The following CEP112 variants were observed in gnomAD, a reference collection of about 807,000 sequenced individuals.
CEP112 encodes the protein centrosomal protein of 112 kDa.
In CEP112, 127 loss-of-function variants were observed where a neutral mutation model predicts 153.0. The ratio of observed to expected loss-of-function variants is 0.83; its 90% CI spans 0.72 to 0.96. The LOEUF is 0.96. Ranked by LOEUF, CEP112 falls within the 40% of genes least tolerant of loss-of-function variation. CEP112 has a pLI of 0.00. For synonymous variants in CEP112, 358 were observed against 374.4 expected, an observed-to-expected ratio of 0.96 and a Z score of 0.51; for missense variants, 1,089 against 1,101.2, an observed-to-expected ratio of 0.99 and a Z score of 0.16.
At chr17:65,986,035 G>C (rs2063395328) in intron 17 of CEP112, among the ~76,000 whole-genome samples, 1 of 151,960 alleles carries the variant, frequency 6.6e-6, no homozygotes, top group South Asian at 2.1e-4. Context: ...TGAAGTAATA[G>C]ATCACATTTC....
chr17:65,724,139 C>T (rs564978589), intron 23 of CEP112, among the ~76,000 whole-genome samples: 10 of 152,118 alleles, frequency 6.6e-5, no homozygotes, highest in African/African-American at 1.9e-4. Flanking sequence ...CCAACCATCC[C>T]GGCCTTCTTG....
intron 21 of CEP112, among the ~76,000 whole-genome samples, chr17:65,775,108 G>A (rs2053601647): frequency 6.6e-6 from 1 of 152,110 alleles, no homozygotes; most frequent in Non-Finnish European, 1.5e-5. Context: ...TCCCAAGCTT[G>A]AAAATCAGCA....
chr17:65,641,154 C>T (rs541263884), intron 24 of CEP112, 89 bp from the exon 25 acceptor site: 9 of 724,690 alleles, frequency 1.2e-5, no homozygotes, highest in African/African-American at 3.5e-5. Context: ...CTGTTCATCA[C>T]AATGAAAGGT....
chr17:66,185,944 A>C (rs1405135882), intron 1 of CEP112, among the ~76,000 whole-genome samples: 1 of 152,104 alleles, frequency 6.6e-6, no homozygotes, highest in Non-Finnish European at 1.5e-5. Context: ...TGTCTCTGTA[A>C]GTAAATCGTA....
chr17:66,063,493 A>G (rs1381563514), intron 10 of CEP112, among the ~76,000 whole-genome samples: 1 of 152,052 alleles, frequency 6.6e-6, no homozygotes, highest in Non-Finnish European at 1.5e-5. Flanking sequence ...TTGGAGATTG[A>G]GAAGCAGGGG....
At chr17:65,964,985 T>C (rs1476300993) in intron 17 of CEP112, among the ~76,000 whole-genome samples, 1 of 152,180 alleles carries the variant, frequency 6.6e-6, no homozygotes, top group Non-Finnish European at 1.5e-5. Flanking sequence ...AAAAGAAAGA[T>C]AACACATTTT....
rs78390526 is a variant in CEP112 at position 66,145,170 on chromosome 17, T to C, written c.471-12407A>G. Among the ~76,000 whole-genome samples the C allele has an allele frequency of 2.9e-3, 442 of 152,346 alleles. 20 individuals carry two copies. The East Asian group carries it at 0.08, about 28-fold the overall frequency. On this transcript the variant is annotated intron_variant, in intron 4 of 26. Coordinates refer to ENST00000535342, the MANE Select transcript of CEP112 (RefSeq NM_001199165.4). ...ATGCTGTTGGCCATCTTTTCATGTA[T>C]GTATACTAGCCATTTACATATTTTC...
chr17:66,015,975 C>G (rs1381441413), intron 16 of CEP112, among the ~76,000 whole-genome samples: 1 of 152,152 alleles, frequency 6.6e-6, no homozygotes, highest in Admixed American at 6.5e-5. Flanking sequence ...GCCTTGCCTT[C>G]ATATCGCTGA....
intron 20 of CEP112, among the ~76,000 whole-genome samples, chr17:65,888,111 C>A (rs2059346639): frequency 6.6e-6 from 1 of 152,178 alleles, no homozygotes; most frequent in African/African-American, 2.4e-5. Flanking sequence ...ACAGTCTTTC[C>A]ATACATCAGA....
At chr17:65,675,278 A>G (rs1187481804) in intron 24 of CEP112, among the ~76,000 whole-genome samples, 1 of 152,236 alleles carries the variant, frequency 6.6e-6, no homozygotes, top group Non-Finnish European at 1.5e-5. Context: ...ATAATTAATT[A>G]CAAATCTTCC....
chr17:66,017,899 C>G (rs2064838461), intron 16 of CEP112, among the ~76,000 whole-genome samples: 1 of 151,824 alleles, frequency 6.6e-6, no homozygotes, highest in African/African-American at 2.4e-5. Context: ...ACTTGAGAGG[C>G]TGAGGCAGGA....
chr17:65,971,149 G>T (rs1412818442), intron 17 of CEP112, among the ~76,000 whole-genome samples: 1 of 152,002 alleles, frequency 6.6e-6, no homozygotes, highest in African/African-American at 2.4e-5. Flanking sequence ...ATGTGCACAT[G>T]ATACATGTAC....
At chr17:65,750,843 C>A in intron 21 of CEP112, 119 bp from the exon 22 acceptor site, 2 of 763,566 alleles carry the variant, frequency 2.6e-6, no homozygotes, top group Non-Finnish European at 4.5e-6. Flanking sequence ...CTGGGGCAGC[C>A]AGAAAACCAC....
At chr17:65,905,969 A>C (rs185694901) in intron 19 of CEP112, among the ~76,000 whole-genome samples, 1 of 151,980 alleles carries the variant, frequency 6.6e-6, no homozygotes. Context: ...AGACACATGC[A>C]CACTTATGTT....
At position 65,728,027 on chromosome 17, in the gene CEP112, A is replaced by G. The variant is rs577974194; in HGVS notation, c.2607+15041T>C. ...ATCTAGCATTTACCTTGGTTTTGTC[A>G]ATAAAGTTTTATTGGAACATAGCCA... On this transcript the variant is annotated intron_variant, in intron 23 of 26. Coordinates refer to ENST00000535342, the MANE Select transcript of CEP112 (RefSeq NM_001199165.4). Among the ~76,000 whole-genome samples, 16 of 152,364 alleles carry G rather than the reference A, an allele frequency of 1.1e-4. No individual in the cohort carries two copies. In the East Asian group the frequency reaches 2.9e-3, roughly 28 times the overall value.
At chr17:66,141,701 CAT>C (rs1215215278) in intron 4 of CEP112, among the ~76,000 whole-genome samples, 1 of 152,162 alleles carries the variant, frequency 6.6e-6, no homozygotes, top group African/African-American at 2.4e-5. Flanking sequence ...TATCTTGTCA[CAT>C]ATGATAGCAT....
chr17:66,058,610 G>A (rs1306243868), intron 11 of CEP112, among the ~76,000 whole-genome samples: 1 of 152,150 alleles, frequency 6.6e-6, no homozygotes, highest in East Asian at 1.9e-4. Flanking sequence ...GCACTACTGG[G>A]AGGCTGAGGC....
rs1242689416 is a variant in CEP112 at position 66,149,884 on chromosome 17, G to GTTTTTTTTT, written c.471-17122_471-17121insAAAAAAAAA. Among the ~76,000 whole-genome samples the GTTTTTTTTT allele has an allele frequency of 2.5e-3, 119 of 46,820 alleles. 18 individuals carry two copies. The highest frequency in any genetic ancestry group is 4.0e-3 in the Admixed American group (11 of 2,718). The allele number at this position is 46,820 out of a possible 152,430, so 30.7% of individuals were successfully genotyped here. ...AAATTTAGGGTTTTTTTTTTTGTTT[G>GTTTTTTTTT]TTTGTTTTTTTTTTTTTTTTTTTTT... On this transcript the variant is annotated intron_variant, in intron 4 of 26. Transcript: ENST00000535342.
chr17:65,787,218 A>T (rs973316208), intron 21 of CEP112, among the ~76,000 whole-genome samples: 2 of 152,170 alleles, frequency 1.3e-5, no homozygotes, highest in African/African-American at 4.8e-5. Context: ...AGTGGCTCAC[A>T]CCTGTAATCT....
Sources: gnomAD v4.1 joint callset for allele counts (sites outside exome capture counted in the v4.1 genomes callset) on GRCh38, gnomAD v4.1.1 for gene constraint, MANE v1.5 for transcripts, NCBI Gene and HGNC (gene_info 2026-07-23, HGNC 2026-07-21) for gene names.